Variants in BIN3 observed in about 807,000 individuals in gnomAD.
BIN3 encodes bridging integrator 3.
In BIN3, 41 loss-of-function variants were observed where a neutral mutation model predicts 38.2. The ratio of observed to expected loss-of-function variants is 1.07; its 90% CI spans 0.84 to 1.39. The LOEUF (loss-of-function observed/expected upper bound fraction) is 1.39. Ranked by LOEUF, BIN3 falls within the 40% of genes most tolerant of loss-of-function variation. BIN3 has a pLI of 0.00. For missense variants in BIN3, 361 were observed against 324.3 expected (o/e 1.11, Z -0.87); for synonymous variants, 145 against 122.6 (o/e 1.18, Z -1.21).
Position 22,621,218 on chromosome 8 carries a change from C to T in BIN3, c.*204G>A. 1.6e-6 allele frequency: 1 copy of T among 641,636 alleles called. No homozygotes were observed. Among genetic ancestry groups the T allele is most frequent in the Non-Finnish European group, 2.6e-6 (1 of 377,882 alleles). The allele number at this position is 641,636 out of a possible 1,614,324, so 39.7% of individuals were successfully genotyped here. On this transcript the variant is annotated 3_prime_UTR_variant, in exon 9 of 9. Transcript: ENST00000276416. ...CCCAAGGGTTTGTCTACACTGCTTACCTGCTGGGGCTGTGAGTGGGGAGAC... is the reference window on the plus strand; with the variant it reads ...CCCAAGGGTTTGTCTACACTGCTTATCTGCTGGGGCTGTGAGTGGGGAGAC...
At chr8:22,624,842 A>G (rs916756769) in intron 6 of BIN3, 1 of 196,514 alleles carries the variant, frequency 5.1e-6, no homozygotes, top group African/African-American at 2.3e-5. Context: ...ATGACCTATG[A>G]CTCATCCAAA....
At chr8:22,655,690 G>A (rs1307833742) in intron 1 of BIN3, among the ~76,000 whole-genome samples, 3 of 152,170 alleles carry the variant, frequency 2.0e-5, no homozygotes, top group Admixed American at 6.5e-5. Flanking sequence ...TAAGACTGGG[G>A]AGTGTGAGTT....
chr8:22,639,923 G>A (rs1043035582), intron 2 of BIN3, among the ~76,000 whole-genome samples: 2 of 151,970 alleles, frequency 1.3e-5, no homozygotes, highest in Non-Finnish European at 2.9e-5. Context: ...GGGCAATGGC[G>A]TGATCTCGGC....
chr8:22,637,026 C>A (rs1802389323), intron 2 of BIN3, 64 bp from the exon 3 acceptor site: 2 of 1,451,040 alleles, frequency 1.4e-6, no homozygotes, highest in African/African-American at 1.4e-5. Context: ...AACCTCCCAG[C>A]CTCCTGAAAC....
chr8:22,635,269 T>C (rs1288441619), intron 4 of BIN3, among the ~76,000 whole-genome samples: 1 of 152,184 alleles, frequency 6.6e-6, no homozygotes, highest in African/African-American at 2.4e-5. Context: ...CGTGTCATTA[T>C]ATACCGATCC....
intron 2 of BIN3, among the ~76,000 whole-genome samples, chr8:22,641,935 G>A (rs946418945): frequency 6.6e-6 from 1 of 152,152 alleles, no homozygotes; most frequent in Non-Finnish European, 1.5e-5. Flanking sequence ...AGGGGACTGG[G>A]TGGAAGGTTA....
chr8:22,635,884 G>A (rs1206807375), intron 4 of BIN3, among the ~76,000 whole-genome samples: 1 of 152,106 alleles, frequency 6.6e-6, no homozygotes, highest in Middle Eastern at 3.2e-3. Context: ...AAGGGCTCTG[G>A]ATGCTCCCTT....
At chr8:22,628,796 T>G (rs920072900) in intron 6 of BIN3, among the ~76,000 whole-genome samples, 1 of 152,048 alleles carries the variant, frequency 6.6e-6, no homozygotes, top group Non-Finnish European at 1.5e-5. Flanking sequence ...GTCTGCTCAG[T>G]CTATGTCCTT....
chr8:22,627,467 A>G (rs979267909), intron 6 of BIN3, among the ~76,000 whole-genome samples: 8 of 152,282 alleles, frequency 5.3e-5, no homozygotes, highest in African/African-American at 1.9e-4. Context: ...ATCTCAGGTC[A>G]GGGCTCAGGC....
At chr8:22,643,229 G>C (rs1461922262) in intron 2 of BIN3, among the ~76,000 whole-genome samples, 4 of 152,192 alleles carry the variant, frequency 2.6e-5, no homozygotes, top group African/African-American at 4.8e-5. Context: ...AGATTCTTTG[G>C]ACTTCAGCTG....
intron 3 of BIN3, 85 bp from the exon 4 acceptor site, chr8:22,636,671 G>A (rs1802378109): frequency 2.1e-6 from 3 of 1,401,650 alleles, no homozygotes; most frequent in Admixed American, 2.0e-5. Context: ...GGCCTGCCAA[G>A]GAGGAGGAGA....
Position 22,620,808 on chromosome 8 carries a change from TGTG to T in BIN3, c.*611_*613del, listed in dbSNP as rs546837730. 1.3e-5 allele frequency: 2 copies of T among 152,414 alleles called. No homozygotes were observed. The highest frequency in any genetic ancestry group is 4.1e-4 in the South Asian group (2 of 4,826). The allele number at this position is 152,414 out of a possible 1,614,324, so 9.4% of individuals were successfully genotyped here. ...TCCTGCTTTGAGACCTGTGAATTCT[TGTG>T]GGACAGTTCCACTGACAGCTTGCGT... On this transcript the variant is annotated 3_prime_UTR_variant, in exon 9 of 9. Coordinates refer to ENST00000276416, the MANE Select transcript of BIN3 (RefSeq NM_018688.6).
intron 1 of BIN3, among the ~76,000 whole-genome samples, chr8:22,658,899 C>T (rs552167619): frequency 6.6e-6 from 1 of 152,320 alleles, no homozygotes; most frequent in South Asian, 2.1e-4. Context: ...GCCTGAGTCA[C>T]TGTCTCGGCA....
chr8:22,629,506 CCCCT>C (rs1802112708), intron 6 of BIN3, among the ~76,000 whole-genome samples: 1 of 152,270 alleles, frequency 6.6e-6, no homozygotes, highest in South Asian at 2.1e-4. Flanking sequence ...CGCTGCCACG[CCCCT>C]CCCTGTGTGC....
intron 8 of BIN3, among the ~76,000 whole-genome samples, chr8:22,623,591 G>A (rs890642287): frequency 6.6e-5 from 10 of 152,160 alleles, no homozygotes; most frequent in Admixed American, 1.3e-4. Context: ...CCAAGAAACC[G>A]CCCACTTGAG....
chr8:22,628,560 C>A (rs1193379033), intron 6 of BIN3, among the ~76,000 whole-genome samples: 2 of 152,144 alleles, frequency 1.3e-5, no homozygotes, highest in Non-Finnish European at 2.9e-5. Flanking sequence ...AGGTGGTGGG[C>A]CACCAGGGTG....
intron 4 of BIN3, among the ~76,000 whole-genome samples, chr8:22,631,036 A>G (rs969620320): frequency 6.6e-6 from 1 of 152,160 alleles, no homozygotes; most frequent in African/African-American, 2.4e-5. Context: ...CCAACAGTAA[A>G]TATTTCAGGC....
chr8:22,648,942 A>AT (rs1563972679), intron 1 of BIN3, among the ~76,000 whole-genome samples: 3 of 115,034 alleles, frequency 2.6e-5, no homozygotes, highest in African/African-American at 1.1e-4. Flanking sequence ...TATGTATGTA[A>AT]GTGTGTGTGT....
chr8:22,625,317 A>C, intron 6 of BIN3: 1 of 702,424 alleles, frequency 1.4e-6, no homozygotes, highest in East Asian at 2.7e-5. Context: ...GGCAAGCCAG[A>C]GCCCTGCAGT....
Sources: gnomAD v4.1 joint callset for allele counts (sites outside exome capture counted in the v4.1 genomes callset) on GRCh38, gnomAD v4.1.1 for gene constraint, MANE v1.5 for transcripts, NCBI Gene and HGNC (gene_info 2026-07-23, HGNC 2026-07-21) for gene names.